The following CCDC178 variants were observed in gnomAD, a reference collection of about 807,000 sequenced individuals.
The protein encoded by CCDC178 is coiled-coil domain-containing protein 178.
In CCDC178, 126 loss-of-function variants were observed where a neutral mutation model predicts 117.4. The observed-to-expected ratio is 1.07, with a 90% CI of 0.93 to 1.24. The LOEUF is 1.24. Ranked by LOEUF, CCDC178 falls within the 50% of genes most tolerant of loss-of-function variation. CCDC178 has a pLI of 0.00. For missense variants in CCDC178, 1,030 were observed against 986.9 expected, an observed-to-expected ratio of 1.04 and a Z score of -0.59; for synonymous variants, 283 against 313.4, an observed-to-expected ratio of 0.90 and a Z score of 1.02.
chr18:32,990,551 T>C (rs60825515), intron 21 of CCDC178, among the ~76,000 whole-genome samples: 3,687 of 152,212 alleles, frequency 0.024, 149 homozygotes, highest in African/African-American at 0.082. Flanking sequence ...AAAAAATTCA[T>C]CAAGTCTTCA....
Position 33,333,282 on chromosome 18 carries a change from T to G in CCDC178, c.771A>C (p.Ala257=). ...TGTAGTCTATGTCTGCTTGAATCTT[T>G]GCATTTGCTTCTTCTAACTCTGTCT... ...KQKTELEEAN[A]KIQADIDYMN... Residue 257 remains alanine (A), a synonymous_variant, in exon 10 of 23, where the codon GCA becomes GCC. Coordinates refer to ENST00000383096, the MANE Select transcript of CCDC178 (RefSeq NM_001105528.4). 6.2e-7 allele frequency: 1 copy of G among 1,612,564 alleles called. No homozygotes were observed. The highest frequency in any genetic ancestry group is 1.7e-5 in the Admixed American group (1 of 59,984).
At chr18:33,238,358 G>A (rs1421490752) in intron 15 of CCDC178, among the ~76,000 whole-genome samples, 1 of 151,788 alleles carries the variant, frequency 6.6e-6, no homozygotes, top group Non-Finnish European at 1.5e-5. Flanking sequence ...ATAATCATAA[G>A]GAAACTCAGA....
At chr18:33,166,609 C>T (rs918038218) in intron 20 of CCDC178, among the ~76,000 whole-genome samples, 3 of 152,160 alleles carry the variant, frequency 2.0e-5, no homozygotes, top group Non-Finnish European at 4.4e-5. Flanking sequence ...GGAGATAATA[C>T]AAATCCAAAT....
chr18:33,312,677 A>T (rs2062359110), intron 11 of CCDC178, among the ~76,000 whole-genome samples: 1 of 152,170 alleles, frequency 6.6e-6, no homozygotes, highest in Non-Finnish European at 1.5e-5. Flanking sequence ...AAAGAAACAG[A>T]AAGTTAACCT....
chr18:33,248,200 C>A (rs1205983018), intron 14 of CCDC178, among the ~76,000 whole-genome samples: 1 of 151,714 alleles, frequency 6.6e-6, no homozygotes, highest in East Asian at 1.9e-4. Context: ...CATACATTGC[C>A]AAATTATTAT....
At chr18:32,952,830 GTGGCA>G (rs1367306600) in intron 22 of CCDC178, among the ~76,000 whole-genome samples, 1 of 147,468 alleles carries the variant, frequency 6.8e-6, no homozygotes, top group Non-Finnish European at 1.5e-5. Flanking sequence ...CTGGAGTGCA[GTGGCA>G]TGATCTCGGC....
At chr18:33,368,004 A>G (rs2078124565) in intron 6 of CCDC178, among the ~76,000 whole-genome samples, 1 of 151,976 alleles carries the variant, frequency 6.6e-6, no homozygotes. Flanking sequence ...TTTCTTCTCA[A>G]AGTATCAACT....
intron 2 of CCDC178, among the ~76,000 whole-genome samples, chr18:33,429,715 T>C (rs1264681759): frequency 6.6e-6 from 1 of 152,196 alleles, no homozygotes; most frequent in Non-Finnish European, 1.5e-5. Flanking sequence ...AAATCACTTT[T>C]ATCTAGCAAA....
intron 21 of CCDC178, among the ~76,000 whole-genome samples, chr18:33,063,648 C>T (rs1213994879): frequency 2.0e-5 from 3 of 152,144 alleles, no homozygotes; most frequent in Non-Finnish European, 4.4e-5. Context: ...AGGGACCTCC[C>T]ACCTTCTTGA....
chr18:33,138,491 C>A (rs2058156798), intron 20 of CCDC178, among the ~76,000 whole-genome samples: 1 of 152,054 alleles, frequency 6.6e-6, no homozygotes, highest in African/African-American at 2.4e-5. Context: ...TGGAGGACTG[C>A]TTATAGCTGC....
At chr18:33,338,647 T>C (rs1157901519) in intron 9 of CCDC178, among the ~76,000 whole-genome samples, 1 of 152,046 alleles carries the variant, frequency 6.6e-6, no homozygotes, top group Admixed American at 6.6e-5. Flanking sequence ...AACCCAGGAA[T>C]AGAAAACCAA....
intron 20 of CCDC178, among the ~76,000 whole-genome samples, chr18:33,210,318 G>C (rs988378083): frequency 1.3e-5 from 2 of 151,838 alleles, no homozygotes; most frequent in African/African-American, 4.8e-5. Flanking sequence ...AAAATCATGA[G>C]ACCATATAAT....
At chr18:33,090,046 T>C (rs2057439255) in intron 21 of CCDC178, among the ~76,000 whole-genome samples, 1 of 152,120 alleles carries the variant, frequency 6.6e-6, no homozygotes, top group African/African-American at 2.4e-5. Context: ...GCTACAAATT[T>C]TAAAAGTACA....
At chr18:33,144,308 G>T (rs1276501554) in intron 20 of CCDC178, among the ~76,000 whole-genome samples, 2 of 151,874 alleles carry the variant, frequency 1.3e-5, no homozygotes, top group Non-Finnish European at 2.9e-5. Context: ...ATTTTACTTT[G>T]CTTTCCTTAA....
At chr18:33,080,573 C>T (rs950710659) in intron 21 of CCDC178, among the ~76,000 whole-genome samples, 8 of 152,094 alleles carry the variant, frequency 5.3e-5, no homozygotes, top group African/African-American at 1.7e-4. Context: ...CCTGTTGACA[C>T]TTTCATCTCA....
chr18:33,388,483 C>G (rs1422229682), intron 5 of CCDC178, among the ~76,000 whole-genome samples: 1 of 148,612 alleles, frequency 6.7e-6, no homozygotes, highest in African/African-American at 2.5e-5. Context: ...CAATGATAGA[C>G]TAGATAAAGA....
intron 3 of CCDC178, among the ~76,000 whole-genome samples, chr18:33,411,359 T>TTTTTC (rs780877907): frequency 6.6e-6 from 1 of 152,162 alleles, no homozygotes; most frequent in African/African-American, 2.4e-5. Context: ...ATTGTCTTCT[T>TTTTTC]TTTTCTTTTC....
intron 6 of CCDC178, among the ~76,000 whole-genome samples, 183 bp downstream of exon 6, chr18:33,369,867 T>G (rs921007784): frequency 2.6e-5 from 4 of 152,004 alleles, no homozygotes; most frequent in Non-Finnish European, 5.9e-5. Context: ...CGTTTCACCC[T>G]TCTGGAGTGA....
chr18:33,091,226 C>T (rs1366575733), intron 21 of CCDC178, among the ~76,000 whole-genome samples: 1 of 149,762 alleles, frequency 6.7e-6, no homozygotes. Context: ...TAGATACATA[C>T]ATGCCCTTTC....
Sources: allele counts gnomAD v4.1 joint callset (sites outside exome capture counted in the v4.1 genomes callset), GRCh38; gene constraint gnomAD v4.1.1; transcripts MANE v1.5; gene names NCBI Gene and HGNC (gene_info 2026-07-23, HGNC 2026-07-21).